Variants in HIP1 observed in about 807,000 individuals in gnomAD.
The protein encoded by HIP1 is huntingtin-interacting protein 1.
HIP1 carries 65 observed loss-of-function variants against 147.6 expected under a neutral mutation model. That is an observed-to-expected ratio of 0.44 (90% CI 0.36 to 0.54). The LOEUF is 0.54. Among genes scored for constraint, HIP1 ranks in the 20% least tolerant of loss-of-function variants. HIP1 has a pLI of 0.00. For synonymous variants in HIP1, 479 were observed against 504.0 expected, an observed-to-expected ratio of 0.95 and a Z score of 0.67; for missense variants, 1,061 against 1,299.6, an observed-to-expected ratio of 0.82 and a Z score of 2.82.
In HIP1 at chr7:75,732,439, C is replaced by T. The variant is rs148023468; in HGVS notation, c.120+6362G>A. ...AGTCTGGAGTGCAGTGGTGTGATCA[C>T]GGCTCACTGCCGCCTCAACTTCCTG... On this transcript the variant is annotated intron_variant, in intron 1 of 30. Coordinates refer to ENST00000336926, the MANE Select transcript of HIP1 (RefSeq NM_005338.7). Among the ~76,000 whole-genome samples the T allele has an allele frequency of 6.8e-3, 1,030 of 152,186 alleles. 5 individuals are homozygous for T. Among genetic ancestry groups the T allele is most frequent in the Non-Finnish European group, 0.012 (789 of 68,002 alleles).
At chr7:75,579,563 A>G (rs2116915596) in intron 7 of HIP1, among the ~76,000 whole-genome samples, 1 of 152,276 alleles carries the variant, frequency 6.6e-6, no homozygotes, top group Admixed American at 6.5e-5. Flanking sequence ...AAGTGCTAGG[A>G]TTACAGGCAT....
intron 1 of HIP1, among the ~76,000 whole-genome samples, chr7:75,722,418 G>T (rs148946347): frequency 6.6e-6 from 1 of 152,204 alleles, no homozygotes; most frequent in Non-Finnish European, 1.5e-5. Context: ...GAGCCAGACT[G>T]AAGACCTATA....
chr7:75,583,956 G>A (rs916347455), intron 5 of HIP1, among the ~76,000 whole-genome samples: 9 of 148,220 alleles, frequency 6.1e-5, no homozygotes, highest in East Asian at 2.1e-4. Context: ...TAATGTGTGC[G>A]GGATATTTTT....
intron 1 of HIP1, among the ~76,000 whole-genome samples, chr7:75,610,203 C>CT (rs35158879): frequency 0.042 from 5,589 of 133,010 alleles, 142 homozygotes; most frequent in South Asian, 0.064. Flanking sequence ...TCATCCAGCC[C>CT]TTTTTTTTTT....
At chr7:75,632,511 C>T (rs1168209577) in intron 1 of HIP1, among the ~76,000 whole-genome samples, 2 of 151,840 alleles carry the variant, frequency 1.3e-5, no homozygotes, top group Non-Finnish European at 2.9e-5. Flanking sequence ...GCTCAGCCTC[C>T]CGAGTAGCTG....
chr7:75,573,653 A>C (rs1795729949), intron 8 of HIP1, 108 bp downstream of exon 8: 1 of 1,150,762 alleles, frequency 8.7e-7, no homozygotes, highest in East Asian at 2.4e-5. Context: ...ACAGAAGCAG[A>C]CAGCCAAAGG....
At chr7:75,651,043 C>CT in intron 1 of HIP1, among the ~76,000 whole-genome samples, 1 of 152,208 alleles carries the variant, frequency 6.6e-6, no homozygotes, top group Middle Eastern at 3.4e-3. Context: ...CCGCACATTT[C>CT]TTTTTGAGAG....
At position 75,545,142 on chromosome 7, in the gene HIP1, G is replaced by T. The variant is rs782260442; in HGVS notation, c.2606C>A (p.Thr869Lys). The T allele has an allele frequency of 2.4e-5, 38 of 1,611,964 alleles. No individual in the cohort carries two copies. Among genetic ancestry groups the T allele is most frequent in the Non-Finnish European group, 3.0e-5 (35 of 1,179,350 alleles). ...KEFYAKNSRW[T>K]EGLISASKAV... is the part of the protein sequence containing the mutation. ...CTTGGAGGCTGAGATAAGTCCTTCT[G>T]TCCATCGAGAGTTCTTGGCATAAAA... Residue 869 changes from threonine to lysine, a missense_variant, in exon 26 of 31, where the codon ACA (threonine) becomes AAA (lysine). Thr to Lys is a moderately conservative substitution (Grantham distance 78, BLOSUM62 -1). Around this residue, in one of 3 missense-constraint regions of HIP1, gnomAD observed 810 missense variants for 946.8 expected, o/e 0.86. Transcript: ENST00000336926.
intron 27 of HIP1, 36 bp downstream of exon 27, chr7:75,544,659 C>A (rs587733395): frequency 2.4e-6 from 3 of 1,257,978 alleles, no homozygotes; most frequent in Admixed American, 1.7e-5. Flanking sequence ...TCTAACCAGG[C>A]CTTCCAGCGT....
intron 14 of HIP1, 57 bp downstream of exon 14, chr7:75,559,675 G>A: frequency 1.4e-6 from 2 of 1,382,214 alleles, no homozygotes; most frequent in Middle Eastern, 2.6e-4. Flanking sequence ...AGTCCAGCTG[G>A]GCTCTGCTGC....
In HIP1 at chr7:75,580,137, G is replaced by A. The variant is rs3801473; in HGVS notation, c.604+1100C>T. ...GAACAGGACTGTGTGAGCTTCTCAT[G>A]TGGACTTGGGTGACAACCAGTCCTG... On this transcript the variant is annotated intron_variant, in intron 7 of 30. Transcript: ENST00000336926. Among the ~76,000 whole-genome samples, 42 of 152,344 alleles carry A rather than the reference G, an allele frequency of 2.8e-4. No individual in the cohort carries two copies. The East Asian group carries it at 7.5e-3, about 27-fold the overall frequency.
At chr7:75,604,077 C>T (rs373052759) in intron 1 of HIP1, among the ~76,000 whole-genome samples, 2 of 149,144 alleles carry the variant, frequency 1.3e-5, no homozygotes, top group South Asian at 2.1e-4. Flanking sequence ...TGCATTACAG[C>T]CGTTTAAACT....
At chr7:75,624,043 T>C (rs1554507624) in intron 1 of HIP1, among the ~76,000 whole-genome samples, 2 of 152,182 alleles carry the variant, frequency 1.3e-5, no homozygotes, top group Non-Finnish European at 2.9e-5. Context: ...ATCGTGCCAC[T>C]GCACTCCGGC....
chr7:75,654,993 A>G (rs1554512443), intron 1 of HIP1, among the ~76,000 whole-genome samples: 2 of 152,296 alleles, frequency 1.3e-5, no homozygotes, highest in African/African-American at 2.4e-5. Context: ...TACAACAATG[A>G]TGACAAAAGT....
chr7:75,625,377 T>C (rs1584895167), intron 1 of HIP1: 1 of 152,488 alleles, frequency 6.6e-6, no homozygotes, highest in African/African-American at 2.4e-5. Context: ...AGTGATGGCA[T>C]TGTGTCCACC....
Position 75,592,518 on chromosome 7 carries a change from A to AG in HIP1, c.185-5dup, listed in dbSNP as rs781801385. 38 of 1,608,188 alleles carry AG rather than the reference A, an allele frequency of 2.4e-5. No homozygotes were observed. The African/African-American group carries it at 3.5e-4, about 15-fold the overall frequency. On this transcript the variant is annotated splice_region_variant and splice_polypyrimidine_tract_variant and intron_variant, in intron 2 of 30. Coordinates refer to ENST00000336926, the MANE Select transcript of HIP1 (RefSeq NM_005338.7). Reference sequence around the variant, plus strand: ...TGGTGGGTGCCCAGTATGCACGGTGAGGGGGGGTTATGGAAAACAACGGAT... The same window carrying AG: ...TGGTGGGTGCCCAGTATGCACGGTGAGGGGGGGGTTATGGAAAACAACGGAT...
chr7:75,556,858 C>G lies in HIP1; in HGVS notation c.1582-47G>C, dbSNP rs375195167. The G allele has an allele frequency of 1.7e-4, 198 of 1,144,642 alleles. No individual in the cohort carries two copies. In the Middle Eastern group the frequency reaches 2.2e-3, roughly 12 times the overall value. 70.9% of individuals were successfully genotyped at this position (1,144,642 alleles called of 1,614,324 possible). On this transcript the variant is annotated intron_variant, in intron 16 of 30. Transcript: ENST00000336926. ...GGGACTCTGATCTGGGTGACAGTGACAAAGAATATAAAAATGTAAAAACGT... is the reference window on the plus strand; with the variant it reads ...GGGACTCTGATCTGGGTGACAGTGAGAAAGAATATAAAAATGTAAAAACGT...
rs778417160 is a variant in HIP1 at position 75,582,244 on chromosome 7, A to G, written c.466-93T>C. 21 of 951,192 alleles carry G rather than the reference A, an allele frequency of 2.2e-5. No homozygotes were observed. The Admixed American group carries it at 2.3e-4, about 10-fold the overall frequency. 58.9% of individuals were successfully genotyped at this position (951,192 alleles called of 1,614,324 possible). On this transcript the variant is annotated intron_variant, in intron 5 of 30. Transcript: ENST00000336926. ...GTGGCACACGCCTGTGGTCCCAGCT[A>G]CTTGGGAGGCCGAGGTGGGAGGATT...
At chr7:75,541,738 C>A (rs139011927) in intron 29 of HIP1, among the ~76,000 whole-genome samples, 181 bp downstream of exon 29, 29 of 140,246 alleles carry the variant, frequency 2.1e-4, no homozygotes, top group African/African-American at 6.1e-4. Context: ...AAAAAAAAAA[C>A]AAGGTGATTC....
Sources: gnomAD v4.1 joint callset for allele counts (sites outside exome capture counted in the v4.1 genomes callset) on GRCh38, gnomAD v4.1.1 for gene constraint, gnomAD v4.1.1 regional missense constraint, MANE v1.5 for transcripts, NCBI Gene and HGNC (gene_info 2026-07-23, HGNC 2026-07-21) for gene names.